Variants in SLIT2 observed in about 807,000 individuals in gnomAD.
SLIT2 encodes slit guidance ligand 2, also known as slit homolog 2 protein.
A neutral mutation model predicts 185.7 loss-of-function variants in SLIT2; 41 were observed. That is an observed-to-expected ratio of 0.22 (90% CI 0.17 to 0.29). The LOEUF (loss-of-function observed/expected upper bound fraction) is 0.29. Among genes scored for constraint, SLIT2 ranks in the 10% least tolerant of loss-of-function variants. The probability of loss-of-function intolerance (pLI) is 1.00; values close to 1 mark genes in which losing one functional copy is unlikely to be tolerated. For missense variants in SLIT2, 1,571 were observed against 1,909.0 expected (o/e 0.82, Z 3.30); for synonymous variants, 693 against 680.2 (o/e 1.02, Z -0.29).
intron 4 of SLIT2, among the ~76,000 whole-genome samples, chr4:20,290,093 C>T (rs1239356647): frequency 6.6e-6 from 1 of 152,162 alleles, no homozygotes; most frequent in Non-Finnish European, 1.5e-5. Flanking sequence ...CTACACCTGG[C>T]CATTCTCCCA....
chr4:20,345,612 G>A lies in SLIT2; in HGVS notation c.395+76731G>A, dbSNP rs112869061. ...GTGCAGTGGCGTGATCTTGGCTCAC[G>A]GCAACCTCCACCTCCCGGGATCAAG... On this transcript the variant is annotated intron_variant, in intron 4 of 36. Transcript: ENST00000504154. 5.5e-3 allele frequency among the ~76,000 whole-genome samples: 776 copies of A among 142,030 alleles called. 14 individuals are homozygous for A. The highest frequency in any genetic ancestry group is 0.02 in the African/African-American group (748 of 37,750). 93.2% of individuals were successfully genotyped at this position (142,030 alleles called of 152,430 possible). A position where few individuals can be genotyped will look rare whatever the true frequency, so the allele number is the denominator to read the frequency against.
intron 4 of SLIT2, among the ~76,000 whole-genome samples, chr4:20,449,394 A>G (rs2148711647): frequency 6.6e-6 from 1 of 152,200 alleles, no homozygotes; most frequent in East Asian, 1.9e-4. Context: ...CAGAGAAAAA[A>G]CAGGGTTTTT....
At chr4:20,313,349 C>T (rs1052019651) in intron 4 of SLIT2, among the ~76,000 whole-genome samples, 1 of 152,004 alleles carries the variant, frequency 6.6e-6, no homozygotes, top group African/African-American at 2.4e-5. Context: ...AGGCAGATGC[C>T]GTATGTTTTT....
At chr4:20,445,043 TG>T in intron 4 of SLIT2, among the ~76,000 whole-genome samples, 2 of 152,286 alleles carry the variant, frequency 1.3e-5, no homozygotes, top group Middle Eastern at 6.8e-3. Context: ...GGAGCCGCAA[TG>T]GGGTGATTCA....
intron 7 of SLIT2, among the ~76,000 whole-genome samples, chr4:20,486,486 G>T (rs1189340445): frequency 6.6e-6 from 1 of 151,878 alleles, no homozygotes. Context: ...TGGAAACTTT[G>T]GAGTTAAAAA....
At chr4:20,264,965 G>T (rs1712875777) in intron 3 of SLIT2, among the ~76,000 whole-genome samples, 1 of 151,900 alleles carries the variant, frequency 6.6e-6, no homozygotes, top group South Asian at 2.1e-4. Flanking sequence ...TTGAGTGTCT[G>T]TGCTCTCAAC....
chr4:20,413,146 C>T (rs1029996351), intron 4 of SLIT2, among the ~76,000 whole-genome samples: 4 of 152,002 alleles, frequency 2.6e-5, no homozygotes, highest in African/African-American at 9.6e-5. Context: ...GTGCTGCATC[C>T]AGTGTTTTGC....
intron 4 of SLIT2, among the ~76,000 whole-genome samples, chr4:20,313,753 G>T (rs1718331549): frequency 6.6e-6 from 1 of 151,956 alleles, no homozygotes; most frequent in South Asian, 2.1e-4. Flanking sequence ...TAGATCCCTC[G>T]CAAGCACAGT....
chr4:20,452,280 T>C (rs1022337890), intron 4 of SLIT2, among the ~76,000 whole-genome samples: 2 of 152,214 alleles, frequency 1.3e-5, no homozygotes, highest in African/African-American at 4.8e-5. Flanking sequence ...CTATACTTGT[T>C]AAATGCTTGG....
At chr4:20,479,754 A>T (rs1716505018) in intron 5 of SLIT2, among the ~76,000 whole-genome samples, 1 of 152,124 alleles carries the variant, frequency 6.6e-6, no homozygotes, top group South Asian at 2.1e-4. Context: ...AGCAGACATA[A>T]CCAAGTTTGG....
intron 26 of SLIT2, among the ~76,000 whole-genome samples, chr4:20,561,807 A>G (rs962338348): frequency 4.7e-5 from 7 of 147,652 alleles, no homozygotes; most frequent in Non-Finnish European, 9.2e-5. Flanking sequence ...CATTTAAAAA[A>G]GGGGGGGCTC....
chr4:20,518,094 TAC>T (rs1342910411), intron 11 of SLIT2, among the ~76,000 whole-genome samples: 2 of 134,210 alleles, frequency 1.5e-5, no homozygotes, highest in Non-Finnish European at 1.7e-5. Flanking sequence ...TATATATATA[TAC>T]ACACACATAT....
intron 4 of SLIT2, among the ~76,000 whole-genome samples, chr4:20,303,041 T>C (rs1393437072): frequency 6.6e-6 from 1 of 152,252 alleles, no homozygotes; most frequent in African/African-American, 2.4e-5. Context: ...AAGACATATT[T>C]TATTATTAAT....
At chr4:20,555,676 A>G (rs969461414) in intron 26 of SLIT2, among the ~76,000 whole-genome samples, 2 of 152,050 alleles carry the variant, frequency 1.3e-5, no homozygotes, top group African/African-American at 4.8e-5. Context: ...TTTGGCCTCT[A>G]ATCTATTTCA....
At chr4:20,556,226 C>T (rs1724236597) in intron 26 of SLIT2, among the ~76,000 whole-genome samples, 1 of 151,618 alleles carries the variant, frequency 6.6e-6, no homozygotes, top group Non-Finnish European at 1.5e-5. Context: ...AGAAGTATAT[C>T]ATTATTTTGT....
chr4:20,416,839 G>A lies in SLIT2; in HGVS notation c.396-50913G>A, dbSNP rs189683963. ...CATTCAATTCACATTAGCCTCAATT[G>A]GAAAAATGTCCCTGTTCAGTTAAAC... is the stretch of plus-strand genomic sequence containing the variant. On this transcript the variant is annotated intron_variant, in intron 4 of 36. Coordinates refer to ENST00000504154, the MANE Select transcript of SLIT2 (RefSeq NM_004787.4). 1.0e-3 allele frequency among the ~76,000 whole-genome samples: 154 copies of A among 152,204 alleles called. 1 individual carries two copies. Among genetic ancestry groups the A allele is most frequent in the Non-Finnish European group, 1.8e-3 (124 of 68,012 alleles).
intron 4 of SLIT2, among the ~76,000 whole-genome samples, chr4:20,332,110 C>T (rs538302931): frequency 6.6e-6 from 1 of 152,228 alleles, no homozygotes; most frequent in African/African-American, 2.4e-5. Context: ...TGTGTAGAAG[C>T]AATTGTTTCC....
At chr4:20,383,937 C>T (rs886682435) in intron 4 of SLIT2, among the ~76,000 whole-genome samples, 1 of 152,066 alleles carries the variant, frequency 6.6e-6, no homozygotes, top group South Asian at 2.1e-4. Flanking sequence ...AACTCCTGAC[C>T]TCAAGTGATC....
chr4:20,360,813 A>C (rs942534925), intron 4 of SLIT2, among the ~76,000 whole-genome samples: 1 of 152,146 alleles, frequency 6.6e-6, no homozygotes, highest in African/African-American at 2.4e-5. Flanking sequence ...GATACCATTT[A>C]TTGAGAGCTT....
Sources: allele counts gnomAD v4.1 joint callset (sites outside exome capture counted in the v4.1 genomes callset), GRCh38; gene constraint gnomAD v4.1.1; transcripts MANE v1.5; gene names NCBI Gene and HGNC (gene_info 2026-07-23, HGNC 2026-07-21).